CSNK1G2: variants seen among roughly 807,000 people sequenced by gnomAD.
CSNK1G2 encodes the protein casein kinase 1 gamma 2.
CSNK1G2 carries 11 observed loss-of-function variants against 48.0 expected under a neutral mutation model. That is an observed-to-expected ratio of 0.23 (90% CI 0.14 to 0.38). The LOEUF is 0.38. Among genes scored for constraint, CSNK1G2 ranks in the 10% least tolerant of loss-of-function variants. CSNK1G2 has a pLI of 1.00. For synonymous variants in CSNK1G2, 337 were observed against 254.1 expected, an observed-to-expected ratio of 1.33 and a Z score of -3.10; for missense variants, 446 against 595.5, an observed-to-expected ratio of 0.75 and a Z score of 2.61.
At chr19:1,964,936 CAGGA>C (rs2015317173) in intron 1 of CSNK1G2, among the ~76,000 whole-genome samples, 2 of 151,128 alleles carry the variant, frequency 1.3e-5, no homozygotes, top group Admixed American at 6.6e-5. Context: ...GCGTATTAGC[CAGGA>C]TGGTCTCGAT....
intron 1 of CSNK1G2, among the ~76,000 whole-genome samples, chr19:1,942,885 C>T (rs944716099): frequency 1.3e-5 from 2 of 152,192 alleles, no homozygotes; most frequent in African/African-American, 4.8e-5. Flanking sequence ...ACGCTCTGGG[C>T]TGGGCTGACT....
In CSNK1G2 at chr19:1,969,843, G is replaced by A; in HGVS notation, c.71G>A (p.Gly24Asp). 3 of 1,311,086 alleles carry A rather than the reference G, an allele frequency of 2.3e-6. No individual in the cohort carries two copies. The highest frequency in any genetic ancestry group is 2.9e-6 in the Non-Finnish European group (3 of 1,021,248). 81.2% of individuals were successfully genotyped at this position (1,311,086 alleles called of 1,614,324 possible). The change falls in exon 2 of 12, where the codon GGC becomes GAC. Residue 24 changes from glycine (G) to aspartate (D), a missense_variant. Gly to Asp is a moderately conservative substitution (Grantham distance 94). This residue lies in a region of CSNK1G2 where 258 missense variants were observed against 415.9 expected (regional missense o/e 0.62). Transcript: ENST00000255641. ...CGGAGAATGTCCAAGGCCGGCGGGG[G>A]CCGGAGCAGCCACGGCATCCGGAGC... is the stretch of plus-strand genomic sequence containing the variant. ...EGRRMSKAGG[G>D]RSSHGIRSSG... is the part of the protein sequence containing the mutation.
At chr19:1,950,043 T>C (rs10417386) in intron 1 of CSNK1G2, among the ~76,000 whole-genome samples, 90,120 of 152,236 alleles carry the variant, frequency 0.59, 27,935 homozygotes, top group Non-Finnish European at 0.69. Flanking sequence ...GAGTGACCGG[T>C]AGGCCCCAGC....
At chr19:1,948,992 G>C (rs546068037) in intron 1 of CSNK1G2, among the ~76,000 whole-genome samples, 3 of 152,288 alleles carry the variant, frequency 2.0e-5, no homozygotes, top group African/African-American at 7.2e-5. Flanking sequence ...TGTCCTCGTC[G>C]TGTTCACGTT....
chr19:1,952,021 T>G (rs1458084044), intron 1 of CSNK1G2, among the ~76,000 whole-genome samples: 1 of 152,162 alleles, frequency 6.6e-6, no homozygotes, highest in Non-Finnish European at 1.5e-5. Flanking sequence ...AAACAGGACC[T>G]TAAGCTGAGA....
At chr19:1,941,828 C>T (rs2014375722) in intron 1 of CSNK1G2, among the ~76,000 whole-genome samples, 1 of 148,996 alleles carries the variant, frequency 6.7e-6, no homozygotes, top group African/African-American at 2.5e-5. Flanking sequence ...AACTCTCCTG[C>T]CCTCCGCTGA....
At position 1,951,335 on chromosome 19, in the gene CSNK1G2, G is replaced by C. The variant is rs1470708868; in HGVS notation, c.-266+9917G>C. Among the ~76,000 whole-genome samples, 2 of 144,618 alleles carry C rather than the reference G, an allele frequency of 1.4e-5. 1 individual carries two copies. The highest frequency in any genetic ancestry group is 5.3e-5 in the African/African-American group (2 of 37,632). The allele number at this position is 144,618 out of a possible 152,430, so 94.9% of individuals were successfully genotyped here. A position where few individuals can be genotyped will look rare whatever the true frequency, so the allele number is the denominator to read the frequency against. ...GGAGAATGGCGTGAACCCGGGAGGCGGAGCTTGCAGTGAGCCGAGATCGCA... is the reference window on the plus strand; with the variant it reads ...GGAGAATGGCGTGAACCCGGGAGGCCGAGCTTGCAGTGAGCCGAGATCGCA... On this transcript the variant is annotated intron_variant, in intron 1 of 11. Coordinates refer to ENST00000255641, the MANE Select transcript of CSNK1G2 (RefSeq NM_001319.7).
intron 1 of CSNK1G2, among the ~76,000 whole-genome samples, chr19:1,965,744 C>T (rs1455605721): frequency 6.6e-6 from 1 of 151,994 alleles, no homozygotes; most frequent in East Asian, 1.9e-4. Flanking sequence ...AGCAGTCTGC[C>T]CGCCTCAGCC....
chr19:1,955,731 G>A (rs963674880), intron 1 of CSNK1G2, among the ~76,000 whole-genome samples: 1 of 152,164 alleles, frequency 6.6e-6, no homozygotes, highest in Non-Finnish European at 1.5e-5. Flanking sequence ...GCGGACCCCC[G>A]TGCCACTGCT....
At chr19:1,979,432 G>GCCCCCCACCCCCCA (rs754896087) in intron 8 of CSNK1G2, 29 bp downstream of exon 8, 3 of 1,467,044 alleles carry the variant, frequency 2.0e-6, no homozygotes, top group Non-Finnish European at 2.7e-6. Flanking sequence ...CCCGCCCTGT[G>GCCCCCCACCCCCCA]CCCCCCACCC....
At chr19:1,962,584 G>T (rs1035250689) in intron 1 of CSNK1G2, among the ~76,000 whole-genome samples, 4 of 152,000 alleles carry the variant, frequency 2.6e-5, no homozygotes, top group Admixed American at 2.6e-4. Flanking sequence ...AGGATTGCTT[G>T]AGCCCGGGAG....
rs765398175 is a variant in CSNK1G2, at chr19:1,978,596, C to T, written c.299-6C>T. The T allele has an allele frequency of 2.5e-6, 4 of 1,589,588 alleles. No individual in the cohort carries two copies. The South Asian group carries it at 4.5e-5, about 18-fold the overall frequency. On this transcript the variant is annotated splice_polypyrimidine_tract_variant and splice_region_variant and intron_variant, in intron 4 of 11. Transcript: ENST00000255641. This position sits in a 1 kb window ranked among gnomAD's most constrained non-coding sequence, Gnocchi z 7.3. ...CGCACGCCCGTGCGTCTGTCCTCCG[C>T]CGCAGAGGGCGTCCCTCAGGTCTAC...
At chr19:1,943,297 C>G (rs1599274107) in intron 1 of CSNK1G2, among the ~76,000 whole-genome samples, 1 of 152,142 alleles carries the variant, frequency 6.6e-6, no homozygotes, top group African/African-American at 2.4e-5. Context: ...TTGAACCTGT[C>G]TAGTTCCTCT....
At chr19:1,954,273 A>C (rs1298931862) in intron 1 of CSNK1G2, 3 of 272,264 alleles carry the variant, frequency 1.1e-5, no homozygotes, top group Non-Finnish European at 2.3e-5. Flanking sequence ...TGGCCCTGGC[A>C]CTGGAAGTAT....
chr19:1,956,363 C>T (rs2014998612), intron 1 of CSNK1G2, among the ~76,000 whole-genome samples: 1 of 152,178 alleles, frequency 6.6e-6, no homozygotes, highest in Non-Finnish European at 1.5e-5. Context: ...TGTAGCTGAG[C>T]CAAGATCAGA....
chr19:1,955,992 G>A (rs771082325), intron 1 of CSNK1G2, among the ~76,000 whole-genome samples: 43 of 152,348 alleles, frequency 2.8e-4, no homozygotes, highest in Non-Finnish European at 7.4e-5. Context: ...GCCGGGCGGA[G>A]CAGGGTCGGC....
Position 1,979,366 on chromosome 19 carries a change from C to G in CSNK1G2, c.816C>G (p.Arg272=), listed in dbSNP as rs752677240. 9 of 1,604,824 alleles carry G rather than the reference C, an allele frequency of 5.6e-6. No homozygotes were observed. The highest frequency in any genetic ancestry group is 7.6e-6 in the Non-Finnish European group (9 of 1,176,922). The change falls in exon 8 of 12, where the codon CGC becomes CGG. Residue 272 remains arginine, a synonymous_variant. Transcript: ENST00000255641. ...ERYQKIGDTK[R]ATPIEVLCEN... ...ACCAGAAGATCGGGGACACCAAACG[C>G]GCCACGCCCATCGAGGTGCTCTGCG... is the stretch of plus-strand genomic sequence containing the variant.
chr19:1,971,379 G>A (rs929086710), intron 2 of CSNK1G2, among the ~76,000 whole-genome samples: 1 of 152,222 alleles, frequency 6.6e-6, no homozygotes, highest in African/African-American at 2.4e-5. Flanking sequence ...CCGGTCCGAC[G>A]GCCTGTGGCT....
At position 1,963,873 on chromosome 19, in the gene CSNK1G2, A is replaced by G. The variant is rs1305917719; in HGVS notation, c.-265-5635A>G. Among the ~76,000 whole-genome samples, 131 of 144,928 alleles carry G rather than the reference A, an allele frequency of 9.0e-4. 1 individual carries two copies. Among genetic ancestry groups the G allele is most frequent in the Non-Finnish European group, 1.6e-3 (104 of 66,072 alleles). ...GCTCTGTCGCCCAGGCTGGAGTGCA[A>G]TGGCACGATCTTGGCTCACTGCAAC... is the stretch of plus-strand genomic sequence containing the variant. On this transcript the variant is annotated intron_variant, in intron 1 of 11. Coordinates refer to ENST00000255641, the MANE Select transcript of CSNK1G2 (RefSeq NM_001319.7).
Sources: gnomAD v4.1 joint callset for allele counts (sites outside exome capture counted in the v4.1 genomes callset) on GRCh38, gnomAD v4.1.1 for gene constraint, gnomAD v4.1.1 regional missense constraint, Gnocchi (gnomAD v3.1) non-coding constraint, MANE v1.5 for transcripts, NCBI Gene and HGNC (gene_info 2026-07-23, HGNC 2026-07-21) for gene names.